Variants in BANP observed in about 807,000 individuals in gnomAD.
BANP encodes BTG3 associated nuclear protein, also known as protein BANP.
BANP carries 11 observed loss-of-function variants against 68.1 expected under a neutral mutation model. The ratio of observed to expected loss-of-function variants is 0.16; its 90% CI spans 0.10 to 0.27. BANP has a LOEUF of 0.27. Ranked by LOEUF, BANP falls within the 10% of genes least tolerant of loss-of-function variation. The probability of loss-of-function intolerance (pLI) is 1.00; values close to 1 mark genes in which losing one functional copy is unlikely to be tolerated. For missense variants in BANP, 504 were observed against 722.7 expected (o/e 0.70, Z 3.47); for synonymous variants, 329 against 303.2 (o/e 1.09, Z -0.88).
rs1317175244 is a variant in BANP, at chr16:88,064,607, G to A, written c.1312-660G>A. On this transcript the variant is annotated intron_variant, in intron 11 of 13. Transcript: ENST00000682872. This position sits in a 1 kb window ranked among gnomAD's most constrained non-coding sequence, Gnocchi z 4.5. ...CTGGGCGCCTGTGTGGCACCACGTGGCACTCCCCGAGGAGGCCTGGGGACC... is the reference window on the plus strand; with the variant it reads ...CTGGGCGCCTGTGTGGCACCACGTGACACTCCCCGAGGAGGCCTGGGGACC... 1.3e-5 allele frequency among the ~76,000 whole-genome samples: 2 copies of A among 152,242 alleles called. No individual in the cohort carries two copies. The highest frequency in any genetic ancestry group is 6.5e-5 in the Admixed American group (1 of 15,294).
Position 88,064,880 on chromosome 16 carries a change from T to C in BANP, c.1312-387T>C, listed in dbSNP as rs1431095731. Among the ~76,000 whole-genome samples the C allele has an allele frequency of 6.6e-6, 1 of 152,216 alleles. No individual in the cohort carries two copies. The highest frequency in any genetic ancestry group is 1.5e-5 in the Non-Finnish European group (1 of 68,032). On this transcript the variant is annotated intron_variant, in intron 11 of 13. Transcript: ENST00000682872. The surrounding 1 kb of genome is among the most constrained non-coding windows in gnomAD (Gnocchi z 4.5). ...GCCCTGGGAGGTGGCTAGAGCCCAG[T>C]GGCCTCCAGGGGAACACGAGTCATA...
At chr16:87,959,115 T>G (rs1244550078) in intron 1 of BANP, among the ~76,000 whole-genome samples, 3 of 152,250 alleles carry the variant, frequency 2.0e-5, no homozygotes, top group African/African-American at 7.2e-5. Flanking sequence ...GATGGCACGC[T>G]TTTCTGTGAG....
chr16:88,047,363 T>G (rs946606469), intron 11 of BANP, among the ~76,000 whole-genome samples: 1 of 152,036 alleles, frequency 6.6e-6, no homozygotes, highest in East Asian at 1.9e-4. Context: ...GTAGTGAGAG[T>G]GTCAGTCAAG....
intron 13 of BANP, among the ~76,000 whole-genome samples, chr16:88,075,931 A>T (rs1359631328): frequency 6.6e-6 from 1 of 151,832 alleles, no homozygotes; most frequent in East Asian, 1.9e-4. Flanking sequence ...TTTATTGTAG[A>T]GACGAGGTTT....
rs66648819 is a variant in BANP, at chr16:87,987,712, C to CAAAAAAAA, written c.362+3473_362+3480dup. Among the ~76,000 whole-genome samples the CAAAAAAAA allele has an allele frequency of 4.5e-3, 136 of 30,366 alleles. 35 individuals are homozygous for CAAAAAAAA. Among genetic ancestry groups the CAAAAAAAA allele is most frequent in the Non-Finnish European group, 5.3e-3 (91 of 17,216 alleles). The allele number at this position is 30,366 out of a possible 152,430, so 19.9% of individuals were successfully genotyped here. On this transcript the variant is annotated intron_variant, in intron 4 of 13. Transcript: ENST00000682872. Reference sequence around the variant, plus strand: ...CTCCAGGCTGAGCGAGACCCTAACTCAAAAAAAAAAAAAAAAAAAAAAAAA... The same window carrying CAAAAAAAA: ...CTCCAGGCTGAGCGAGACCCTAACTCAAAAAAAAAAAAAAAAAAAAAAAAAAAAAAAAA...
chr16:88,001,772 T>C (rs1430301967), intron 4 of BANP, among the ~76,000 whole-genome samples: 1 of 152,196 alleles, frequency 6.6e-6, no homozygotes, highest in Non-Finnish European at 1.5e-5. Flanking sequence ...ACTTTTCTTT[T>C]CTTTGAATTT....
chr16:88,065,447 A>G (rs1211185823), intron 12 of BANP, 115 bp downstream of exon 12: 3 of 618,434 alleles, frequency 4.9e-6, no homozygotes, highest in East Asian at 5.6e-5. Context: ...TCATCTCACC[A>G]CGTGAGGGTG....
chr16:88,032,103 C>T (rs899565599), intron 8 of BANP, among the ~76,000 whole-genome samples: 135 of 151,334 alleles, frequency 8.9e-4, no homozygotes, highest in Non-Finnish European at 6.9e-4. Flanking sequence ...CCGCGCCTGG[C>T]CCGCTTCTCT....
intron 11 of BANP, among the ~76,000 whole-genome samples, chr16:88,043,892 C>T (rs1161447442): frequency 2.2e-5 from 3 of 139,256 alleles, no homozygotes; most frequent in African/African-American, 6.2e-5. Context: ...CAAAAAAAGC[C>T]CTTAAAAATT....
At position 88,046,271 on chromosome 16, in the gene BANP, T is replaced by G. The variant is rs920062430; in HGVS notation, c.1311+8260T>G. 3.3e-5 allele frequency among the ~76,000 whole-genome samples: 5 copies of G among 152,248 alleles called. No individual in the cohort carries two copies. The East Asian group carries it at 5.8e-4, about 18-fold the overall frequency. ...GATTTTAGAGATACTGTTTTAAAAC[T>G]GCGTACTCAAAGCATTAGTTAATTA... On this transcript the variant is annotated intron_variant, in intron 11 of 13. Transcript: ENST00000682872.
intron 11 of BANP, among the ~76,000 whole-genome samples, chr16:88,043,722 A>C (rs997147675): frequency 6.6e-6 from 1 of 152,216 alleles, no homozygotes; most frequent in Non-Finnish European, 1.5e-5. Flanking sequence ...GGGGAGAGGC[A>C]GTCTGGTGTG....
At chr16:87,972,170 C>G (rs1435398764) in intron 1 of BANP, among the ~76,000 whole-genome samples, 2 of 152,036 alleles carry the variant, frequency 1.3e-5, no homozygotes, top group South Asian at 2.1e-4. Flanking sequence ...TTTTCTTGAG[C>G]TTTTTTCATC....
intron 12 of BANP, among the ~76,000 whole-genome samples, chr16:88,067,345 C>G (rs1243759246): frequency 6.6e-6 from 1 of 152,134 alleles, no homozygotes; most frequent in South Asian, 2.1e-4. Context: ...GCCCCATGCC[C>G]CATGCTGCAT....
intron 4 of BANP, among the ~76,000 whole-genome samples, chr16:87,985,022 G>A (rs2064038564): frequency 6.6e-6 from 1 of 152,230 alleles, no homozygotes; most frequent in African/African-American, 2.4e-5. Flanking sequence ...AGAGAATGGT[G>A]GGACGGCAGC....
chr16:87,980,012 G>A (rs943936259), intron 2 of BANP, among the ~76,000 whole-genome samples: 9 of 152,140 alleles, frequency 5.9e-5, no homozygotes, highest in Non-Finnish European at 1.2e-4. Flanking sequence ...GAGGAAGGCT[G>A]CAGACAAACC....
chr16:87,969,640 C>G (rs1250009540), intron 1 of BANP, among the ~76,000 whole-genome samples: 2 of 150,782 alleles, frequency 1.3e-5, no homozygotes, highest in Admixed American at 6.6e-5. Context: ...TCAAGCGATT[C>G]TCCTGCCTCA....
intron 1 of BANP, among the ~76,000 whole-genome samples, chr16:87,955,057 G>T (rs375348421): frequency 6.6e-6 from 1 of 152,256 alleles, no homozygotes; most frequent in East Asian, 1.9e-4. Flanking sequence ...GACCCGTGTG[G>T]TAGCAAAGAC....
chr16:88,066,099 G>T (rs2088505591), intron 12 of BANP, among the ~76,000 whole-genome samples: 1 of 152,230 alleles, frequency 6.6e-6, no homozygotes, highest in African/African-American at 2.4e-5. Context: ...GCCCATGCGA[G>T]GCGGCCTCAG....
In BANP at chr16:88,047,863, T is replaced by C. The variant is rs142808635; in HGVS notation, c.1311+9852T>C. ...ATGTTGGGTTTGACTGTGCTTTCTT[T>C]TTACACTGCTATGACTATGTCCTGT... On this transcript the variant is annotated intron_variant, in intron 11 of 13. Coordinates refer to ENST00000682872, the MANE Select transcript of BANP (RefSeq NM_001386991.1). 3.2e-3 allele frequency among the ~76,000 whole-genome samples: 481 copies of C among 152,350 alleles called. 1 individual carries two copies. Among genetic ancestry groups the C allele is most frequent in the African/African-American group, 0.011 (462 of 41,570 alleles).
Sources: gnomAD v4.1 joint callset for allele counts (sites outside exome capture counted in the v4.1 genomes callset) on GRCh38, gnomAD v4.1.1 for gene constraint, Gnocchi (gnomAD v3.1) non-coding constraint, MANE v1.5 for transcripts, NCBI Gene and HGNC (gene_info 2026-07-23, HGNC 2026-07-21) for gene names.